MCF2L: variants seen among roughly 807,000 people sequenced by gnomAD.
MCF2L encodes guanine nucleotide exchange factor DBS.
In MCF2L, 97 loss-of-function variants were observed where a neutral mutation model predicts 153.4. The observed-to-expected ratio is 0.63, with a 90% confidence interval of 0.54 to 0.75. The LOEUF (loss-of-function observed/expected upper bound fraction) is 0.75, where lower values mean the gene tolerates loss of function less well. MCF2L is among the 30% of genes least tolerant of loss of function. MCF2L has a pLI of 0.00. For synonymous variants in MCF2L, 659 were observed against 632.2 expected, an observed-to-expected ratio of 1.04 and a Z score of -0.64; for missense variants, 1,347 against 1,495.2, an observed-to-expected ratio of 0.90 and a Z score of 1.64.
At chr13:113,013,918 G>A (rs901360678) in intron 1 of MCF2L, among the ~76,000 whole-genome samples, 2 of 150,286 alleles carry the variant, frequency 1.3e-5, no homozygotes, top group Non-Finnish European at 2.9e-5. Context: ...CTCCCGGCTG[G>A]TGCTGGCTCC....
At position 113,087,284 on chromosome 13, in the gene MCF2L, T is replaced by A; in HGVS notation, c.2423T>A (p.Val808Asp). The change falls in exon 22 of 30, where the codon GTC becomes GAC. Residue 808 changes from valine (V) to aspartate (D), a missense_variant. Val to Asp is a radical substitution (Grantham distance 152, BLOSUM62 -3). Around this residue, in one of 3 missense-constraint regions of MCF2L, gnomAD observed 144 missense variants for 238.7 expected, o/e 0.60. Coordinates refer to ENST00000535094, the MANE Select transcript of MCF2L (RefSeq NM_001112732.3). ...CTGCTGATGCAGGGCTCGTTCAGCG[T>A]CTGGACCGACCACAAGAGGGGCCAC... ...GKLLMQGSFS[V>D]WTDHKRGHTK... is the part of the protein sequence containing the mutation. 6.2e-7 allele frequency: 1 copy of A among 1,612,986 alleles called. No homozygotes were observed. Among genetic ancestry groups the A allele is most frequent in the Non-Finnish European group, 8.5e-7 (1 of 1,180,020 alleles).
rs552757042 is a variant in MCF2L, at chr13:112,932,032, G to A, written c.169+29661G>A. On this transcript the variant is annotated intron_variant, in intron 2 of 29. Coordinates refer to the MCF2L transcript ENST00000375608. This position sits in a 1 kb window ranked among gnomAD's most constrained non-coding sequence, Gnocchi z 4.6. ...AGAAGAATTCCCCATCCTTCATGTAGATGAGTTGTTGTCACGAGGGGAGCT... is the reference window on the plus strand; with the variant it reads ...AGAAGAATTCCCCATCCTTCATGTAAATGAGTTGTTGTCACGAGGGGAGCT... 9.2e-5 allele frequency among the ~76,000 whole-genome samples: 14 copies of A among 152,354 alleles called. No individual in the cohort carries two copies. Among genetic ancestry groups the A allele is most frequent in the African/African-American group, 2.9e-4 (12 of 41,582 alleles).
chr13:113,025,306 T>C (rs796927804), intron 3 of MCF2L, among the ~76,000 whole-genome samples: 1 of 64,268 alleles, frequency 1.6e-5, no homozygotes, highest in Non-Finnish European at 3.0e-5. Context: ...TGAGGTTTCA[T>C]CATGGTGGGG....
At position 113,078,725 on chromosome 13, in the gene MCF2L, G is replaced by C; in HGVS notation, c.1794G>C (p.Leu598=). ...RGSAGEEEES[L]AILRRHVMSE... is the part of the protein sequence containing the mutation. ...CAGCGGGGGAGGAGGAGGAAAGCCT[G>C]GCCATCCTGCGCAGGTGGGTGCGCT... The change falls in exon 15 of 30, where the codon CTG becomes CTC. Residue 598 remains leucine (L), a synonymous_variant. Coordinates refer to ENST00000535094, the MANE Select transcript of MCF2L (RefSeq NM_001112732.3). 16 of 1,604,770 alleles carry C rather than the reference G, an allele frequency of 1.0e-5. No homozygotes were observed. Among genetic ancestry groups the C allele is most frequent in the Non-Finnish European group, 1.3e-5 (15 of 1,178,524 alleles).
At chr13:112,979,399 G>C (rs1038874787) in intron 1 of MCF2L, 1 of 1,385,856 alleles carries the variant, frequency 7.2e-7, no homozygotes, top group Non-Finnish European at 9.3e-7. Flanking sequence ...GTGCAGGGCA[G>C]TGGTGGCTCG....
intron 2 of MCF2L, among the ~76,000 whole-genome samples, chr13:112,962,219 TCACACTTA>T (rs1196478461): frequency 2.4e-5 from 2 of 84,930 alleles, no homozygotes; most frequent in Non-Finnish European, 5.9e-5. Flanking sequence ...TTGCACACAG[TCACACTTA>T]CACATGCACA....
At position 112,930,859 on chromosome 13, in the gene MCF2L, C is replaced by T. The variant is rs551182521; in HGVS notation, c.169+28488C>T. ...GGCTGAGGCAAGAGAATTGCTTGAA[C>T]CCAGGAGGCAGGGGTTGGAGTGAGC... On this transcript the variant is annotated intron_variant, in intron 2 of 29. Transcript: ENST00000375608. Among the ~76,000 whole-genome samples the T allele has an allele frequency of 3.2e-3, 486 of 152,254 alleles. 5 individuals are homozygous for T. The highest frequency in any genetic ancestry group is 0.018 in the South Asian group (85 of 4,816).
At chr13:113,072,603 G>C (rs1447773817) in intron 9 of MCF2L, among the ~76,000 whole-genome samples, 2 of 152,190 alleles carry the variant, frequency 1.3e-5, no homozygotes, top group Non-Finnish European at 2.9e-5. Flanking sequence ...TTCACAATGA[G>C]ATATAGTAGT....
chr13:112,918,216 T>C (rs1305050767), intron 2 of MCF2L, among the ~76,000 whole-genome samples: 2 of 152,198 alleles, frequency 1.3e-5, no homozygotes, highest in African/African-American at 4.8e-5. Context: ...CCTGAGCGCA[T>C]GTTAGGGATG....
rs191512750 is a variant in MCF2L at position 113,005,477 on chromosome 13, C to T, written c.80-9286C>T. ...CTGACTGTGGTCTGTTTGTGGTGGCCGTGGCGTGTTTGTTGTGGCCATGGT... is the reference window on the plus strand; with the variant it reads ...CTGACTGTGGTCTGTTTGTGGTGGCTGTGGCGTGTTTGTTGTGGCCATGGT... On this transcript the variant is annotated intron_variant, in intron 1 of 29. Transcript: ENST00000535094. 7.2e-5 allele frequency among the ~76,000 whole-genome samples: 11 copies of T among 151,824 alleles called. No homozygotes were observed. In the South Asian group the frequency reaches 1.7e-3, roughly 23 times the overall value.
chr13:112,984,481 G>A (rs1334788249), intron 1 of MCF2L, among the ~76,000 whole-genome samples: 2 of 151,968 alleles, frequency 1.3e-5, no homozygotes, highest in Non-Finnish European at 2.9e-5. Flanking sequence ...TATGTGATCC[G>A]CCCGCCTCAG....
At chr13:113,082,371 G>GT (rs2034224767) in intron 16 of MCF2L, 56 bp from the exon 17 acceptor site, 2 of 1,030,594 alleles carry the variant, frequency 1.9e-6, no homozygotes, top group Admixed American at 3.4e-5. Context: ...TGGCCCACCT[G>GT]CCCCCCCACA....
intron 4 of MCF2L, among the ~76,000 whole-genome samples, chr13:113,052,284 G>C (rs757319698): frequency 1.3e-5 from 2 of 152,154 alleles, no homozygotes; most frequent in Admixed American, 1.3e-4. Context: ...GTTTTTTCTC[G>C]CAGAGAAGAG....
In MCF2L at chr13:113,097,004, G is replaced by C. The variant is rs1213529245; in HGVS notation, c.*145G>C. 4 of 481,752 alleles carry C rather than the reference G, an allele frequency of 8.3e-6. No individual in the cohort carries two copies. The highest frequency in any genetic ancestry group is 5.9e-4 in the Middle Eastern group (1 of 1,698). 29.8% of individuals were successfully genotyped at this position (481,752 alleles called of 1,614,324 possible). On this transcript the variant is annotated 3_prime_UTR_variant, in exon 30 of 30. Transcript: ENST00000535094. Reference sequence around the variant, plus strand: ...GTGCGGGCTGCAGAGGACCCCTCCGGGGCAGAGGCAGGTTCCACGGAAGAC... The same window carrying C: ...GTGCGGGCTGCAGAGGACCCCTCCGCGGCAGAGGCAGGTTCCACGGAAGAC...
At chr13:113,062,894 A>G (rs1187008681) in intron 5 of MCF2L, among the ~76,000 whole-genome samples, 2 of 152,226 alleles carry the variant, frequency 1.3e-5, no homozygotes, top group African/African-American at 2.4e-5. Context: ...CCACATAACC[A>G]TAACCGTGTG....
chr13:113,028,771 G>A lies in MCF2L; in HGVS notation c.278+4013G>A, dbSNP rs2085462855. Among the ~76,000 whole-genome samples, 1 of 152,212 alleles carries A rather than the reference G, an allele frequency of 6.6e-6. No individual in the cohort carries two copies. Among genetic ancestry groups the A allele is most frequent in the South Asian group, 2.1e-4 (1 of 4,832 alleles). On this transcript the variant is annotated intron_variant, in intron 3 of 29. Coordinates refer to ENST00000535094, the MANE Select transcript of MCF2L (RefSeq NM_001112732.3). The surrounding 1 kb of genome is among the most constrained non-coding windows in gnomAD (Gnocchi z 5.4). ...GACCGTGGAGCTGTTTCCCCCACCA[G>A]ACTCAGTGTGGGTGTCTGAGTGTGT...
chr13:113,045,244 A>G lies in MCF2L; in HGVS notation c.279-27A>G. 6.3e-7 allele frequency: 1 copy of G among 1,585,258 alleles called. No homozygotes were observed. Among genetic ancestry groups the G allele is most frequent in the East Asian group, 2.2e-5 (1 of 44,710 alleles). ...AGCCGGCTTCCCACCTGCACACATT[A>G]ACGGCGGCGTCTCTTCCTCACTGCA... On this transcript the variant is annotated intron_variant, in intron 3 of 29. Coordinates refer to ENST00000535094, the MANE Select transcript of MCF2L (RefSeq NM_001112732.3). The surrounding 1 kb of genome is among the most constrained non-coding windows in gnomAD (Gnocchi z 4.2).
In MCF2L at chr13:113,056,116, C is replaced by T. The variant is rs529435883; in HGVS notation, c.370-4477C>T. Among the ~76,000 whole-genome samples, 62 of 152,340 alleles carry T rather than the reference C, an allele frequency of 4.1e-4. 2 individuals carry two copies. The South Asian group carries it at 0.012, about 30-fold the overall frequency. On this transcript the variant is annotated intron_variant, in intron 4 of 29. Coordinates refer to ENST00000535094, the MANE Select transcript of MCF2L (RefSeq NM_001112732.3). The stretch of plus-strand genomic sequence containing the variant: ...GTCCTGTGGGAAAGGTGTGCAGTGT[C>T]CACCCAGTGACAGGACATTGTCCAC...
intron 3 of MCF2L, 126 bp downstream of exon 3, chr13:113,024,884 G>T (rs55816877): frequency 2.6e-6 from 2 of 762,958 alleles, no homozygotes; most frequent in Admixed American, 2.1e-5. Flanking sequence ...CTGTCATGGG[G>T]TCCCCGTGAC....
Sources: allele counts gnomAD v4.1 joint callset (sites outside exome capture counted in the v4.1 genomes callset), GRCh38; gene constraint gnomAD v4.1.1; regional missense constraint gnomAD v4.1.1; non-coding constraint Gnocchi (gnomAD v3.1); transcripts MANE v1.5; gene names NCBI Gene and HGNC (gene_info 2026-07-23, HGNC 2026-07-21).